Variants in PARD3B observed in about 807,000 individuals in gnomAD.
PARD3B encodes par-3 family cell polarity regulator beta.
PARD3B carries 103 observed loss-of-function variants against 130.2 expected under a neutral mutation model. The observed-to-expected ratio is 0.79, with a 90% confidence interval of 0.67 to 0.93. The LOEUF (loss-of-function observed/expected upper bound fraction) is 0.93. Among genes scored for constraint, PARD3B ranks in the 40% least tolerant of loss-of-function variants. The probability of loss-of-function intolerance (pLI) is 0.00; values close to 1 mark genes in which losing one functional copy is unlikely to be tolerated. For synonymous variants in PARD3B, 583 were observed against 553.2 expected (o/e 1.05, Z -0.76); for missense variants, 1,609 against 1,499.2 (o/e 1.07, Z -1.21).
intron 21 of PARD3B, among the ~76,000 whole-genome samples, chr2:205,526,039 C>T (rs778074150): frequency 6.6e-6 from 1 of 152,194 alleles, no homozygotes; most frequent in Non-Finnish European, 1.5e-5. Flanking sequence ...TCTCCAGTAC[C>T]CCCAGAACAC....
chr2:204,600,129 T>A (rs544898447), intron 1 of PARD3B, among the ~76,000 whole-genome samples: 3 of 152,056 alleles, frequency 2.0e-5, no homozygotes, highest in African/African-American at 7.2e-5. Flanking sequence ...GTAGGTTGCC[T>A]TTTTTCTCTG....
intron 2 of PARD3B, among the ~76,000 whole-genome samples, chr2:204,879,268 C>T (rs1242486311): frequency 1.3e-5 from 2 of 152,132 alleles, no homozygotes; most frequent in East Asian, 3.9e-4. Context: ...CAAGCAGGGG[C>T]CGTGACAGGC....
At chr2:204,645,208 ATTTAC>A (rs2035231278) in intron 1 of PARD3B, among the ~76,000 whole-genome samples, 1 of 152,144 alleles carries the variant, frequency 6.6e-6, no homozygotes, top group Admixed American at 6.6e-5. Flanking sequence ...GCTCTATGGT[ATTTAC>A]TTAACTATAT....
chr2:204,568,954 G>GAAAAAA (rs368465299), intron 1 of PARD3B, among the ~76,000 whole-genome samples: 1 of 143,342 alleles, frequency 7.0e-6, no homozygotes, highest in African/African-American at 2.7e-5. Flanking sequence ...GACTGTCTCA[G>GAAAAAA]GAAAAAAAAA....
At chr2:204,969,030 C>G (rs1011430213) in intron 3 of PARD3B, among the ~76,000 whole-genome samples, 1 of 152,184 alleles carries the variant, frequency 6.6e-6, no homozygotes, top group African/African-American at 2.4e-5. Context: ...CACTTTCACA[C>G]TTTAAGATTC....
chr2:205,270,335 G>A (rs866519257), intron 16 of PARD3B, among the ~76,000 whole-genome samples: 5 of 152,188 alleles, frequency 3.3e-5, no homozygotes, highest in South Asian at 2.1e-4. Flanking sequence ...TTGGGAGGCC[G>A]AGGCAGGCGG....
chr2:204,763,404 G>A (rs769242420), intron 2 of PARD3B, among the ~76,000 whole-genome samples: 1 of 152,182 alleles, frequency 6.6e-6, no homozygotes, highest in Non-Finnish European at 1.5e-5. Context: ...CAGGTCTGAT[G>A]CATAGGCAAC....
At chr2:204,628,431 A>C (rs1416129340) in intron 1 of PARD3B, among the ~76,000 whole-genome samples, 1 of 152,182 alleles carries the variant, frequency 6.6e-6, no homozygotes, top group Non-Finnish European at 1.5e-5. Flanking sequence ...GTGTAAATGC[A>C]TAAATTTAAA....
intron 2 of PARD3B, among the ~76,000 whole-genome samples, chr2:204,811,822 A>G (rs531024895): frequency 1.0e-3 from 153 of 152,288 alleles, no homozygotes; most frequent in African/African-American, 3.5e-3. Flanking sequence ...TAAAAAACAA[A>G]AAACAAAAAA....
Position 205,405,988 on chromosome 2 carries a change from G to A in PARD3B, c.2741+4865G>A, listed in dbSNP as rs1361078766. ...GAAGTTCATGTACAAAATAAAGGAA[G>A]CAACAATAATTCTAATTTTACACTG... is the stretch of plus-strand genomic sequence containing the variant. On this transcript the variant is annotated intron_variant, in intron 19 of 22. Coordinates refer to ENST00000406610, the MANE Select transcript of PARD3B (RefSeq NM_001302769.2). The surrounding 1 kb of genome is among the most constrained non-coding windows in gnomAD (Gnocchi z 4.1). Among the ~76,000 whole-genome samples the A allele has an allele frequency of 1.3e-5, 2 of 152,168 alleles. No individual in the cohort carries two copies. Among genetic ancestry groups the A allele is most frequent in the Non-Finnish European group, 2.9e-5 (2 of 68,022 alleles).
At chr2:204,866,055 C>T (rs528783886) in intron 2 of PARD3B, among the ~76,000 whole-genome samples, 52 of 152,150 alleles carry the variant, frequency 3.4e-4, no homozygotes, top group Non-Finnish European at 6.8e-4. Context: ...TCACTGAGGG[C>T]TTGTACCAGA....
At chr2:205,581,387 ATATATATAAATATATATATAAG>A (rs1395974658) in intron 22 of PARD3B, among the ~76,000 whole-genome samples, 4 of 80,586 alleles carry the variant, frequency 5.0e-5, no homozygotes, top group African/African-American at 1.6e-4. Context: ...GTATATATAA[ATATATATAAATATATATATAAG>A]TATATATAAA....
chr2:205,266,029 T>C (rs1306014719), intron 16 of PARD3B, among the ~76,000 whole-genome samples: 1 of 152,120 alleles, frequency 6.6e-6, no homozygotes, highest in Non-Finnish European at 1.5e-5. Context: ...AAATGTTTCT[T>C]ACGCTAAGAT....
In PARD3B at chr2:205,218,950, C is replaced by T. The variant is rs148087752; in HGVS notation, c.2140+25630C>T. On this transcript the variant is annotated intron_variant, in intron 15 of 22. Transcript: ENST00000406610. ...CAAAAATCAGCTGGGTGTGGTGGCA[C>T]GTGCCTGTAATTCCAGCTACTCGGG... Among the ~76,000 whole-genome samples, 931 of 151,994 alleles carry T rather than the reference C, an allele frequency of 6.1e-3. 11 individuals are homozygous for T. Among genetic ancestry groups the T allele is most frequent in the African/African-American group, 0.021 (883 of 41,454 alleles).
In PARD3B at chr2:205,263,051, G is replaced by T. The variant is rs1171919696; in HGVS notation, c.2185+17229G>T. The stretch of plus-strand genomic sequence containing the variant: ...TTGAAAGCCCAAGGTACTGCCATGG[G>T]GGTAATTTATGAATCTGGAGAAATA... On this transcript the variant is annotated intron_variant, in intron 16 of 22. Transcript: ENST00000406610. This position sits in a 1 kb window ranked among gnomAD's most constrained non-coding sequence, Gnocchi z 4.0. 5.3e-5 allele frequency among the ~76,000 whole-genome samples: 8 copies of T among 151,976 alleles called. No homozygotes were observed. The highest frequency in any genetic ancestry group is 1.2e-4 in the Non-Finnish European group (8 of 67,942).
At chr2:205,104,169 A>C (rs2125574918) in intron 4 of PARD3B, among the ~76,000 whole-genome samples, 1 of 152,346 alleles carries the variant, frequency 6.6e-6, no homozygotes, top group African/African-American at 2.4e-5. Context: ...AGTAGCAAGA[A>C]GCTAAATGTA....
intron 1 of PARD3B, among the ~76,000 whole-genome samples, chr2:204,557,845 G>A (rs2031029409): frequency 6.6e-6 from 1 of 152,154 alleles, no homozygotes; most frequent in African/African-American, 2.4e-5. Flanking sequence ...TTTTCAGACT[G>A]AGTGCTCTGT....
intron 15 of PARD3B, among the ~76,000 whole-genome samples, chr2:205,196,270 CT>C (rs1316847944): frequency 2.6e-5 from 4 of 152,122 alleles, no homozygotes; most frequent in African/African-American, 9.7e-5. Context: ...TCATTTACAG[CT>C]TACTTTACTC....
intron 19 of PARD3B, among the ~76,000 whole-genome samples, chr2:205,425,995 TA>T (rs997321341): frequency 7.2e-5 from 11 of 152,306 alleles, no homozygotes; most frequent in Admixed American, 1.3e-4. Context: ...ATATATGTAT[TA>T]TTTTTTTATT....
Sources: gnomAD v4.1 joint callset for allele counts (sites outside exome capture counted in the v4.1 genomes callset) on GRCh38, gnomAD v4.1.1 for gene constraint, Gnocchi (gnomAD v3.1) non-coding constraint, MANE v1.5 for transcripts, NCBI Gene and HGNC (gene_info 2026-07-23, HGNC 2026-07-21) for gene names.